Variants in CUEDC1 observed in about 807,000 individuals in gnomAD.
CUEDC1 encodes the protein CUE domain containing 1.
In CUEDC1, 30 loss-of-function variants were observed where a neutral mutation model predicts 43.7. The ratio of observed to expected loss-of-function variants is 0.69; its 90% CI spans 0.51 to 0.93. The LOEUF (loss-of-function observed/expected upper bound fraction) is 0.93. Ranked by LOEUF, CUEDC1 falls within the 40% of genes least tolerant of loss-of-function variation. The pLI is 0.00. For missense variants in CUEDC1, 486 were observed against 549.0 expected, an observed-to-expected ratio of 0.89 and a Z score of 1.15; for synonymous variants, 223 against 223.6, an observed-to-expected ratio of 1.00 and a Z score of 0.02.
chr17:57,872,818 C>G lies in CUEDC1; in HGVS notation c.629G>C (p.Gly210Ala). 1.2e-6 allele frequency: 2 copies of G among 1,614,046 alleles called. No homozygotes were observed. The highest frequency in any genetic ancestry group is 1.7e-6 in the Non-Finnish European group (2 of 1,179,958). ...AGGPKPGSGE[G>A]CPPAMAGPGP... ...TGGCCCAGCCATGGCAGGTGGACAT[C>G]CCTCTCCACTCCCAGGCTTGGGGCC... The change falls in exon 5 of 11, where the codon GGA becomes GCA. Residue 210 changes from glycine (G) to alanine (A), a missense_variant. Coordinates refer to ENST00000577830, the MANE Select transcript of CUEDC1 (RefSeq NM_001271875.2).
intron 1 of CUEDC1, among the ~76,000 whole-genome samples, chr17:57,896,005 G>A (rs554060668): frequency 2.6e-5 from 4 of 152,290 alleles, no homozygotes; most frequent in East Asian, 3.9e-4. Flanking sequence ...CTGGGTCCCC[G>A]GACAGGCAGC....
chr17:57,939,397 T>C (rs563392047), intron 1 of CUEDC1, among the ~76,000 whole-genome samples: 1 of 150,176 alleles, frequency 6.7e-6, no homozygotes, highest in Non-Finnish European at 1.5e-5. Flanking sequence ...CCCAAGTAGC[T>C]GGGACTACAG....
intron 1 of CUEDC1, among the ~76,000 whole-genome samples, chr17:57,896,484 T>TGG (rs370021887): frequency 0.036 from 2,205 of 61,186 alleles, 84 homozygotes; most frequent in East Asian, 0.25. Flanking sequence ...TAGTGCATTA[T>TGG]GGGGTGTGTG....
At chr17:57,920,470 T>C (rs1191966063) in intron 1 of CUEDC1, among the ~76,000 whole-genome samples, 5 of 152,140 alleles carry the variant, frequency 3.3e-5, no homozygotes, top group Non-Finnish European at 7.3e-5. Context: ...GGGATTATAA[T>C]AATCCATCAG....
intron 1 of CUEDC1, among the ~76,000 whole-genome samples, chr17:57,916,349 G>GC (rs1355137468): frequency 1.3e-5 from 2 of 152,206 alleles, no homozygotes; most frequent in Non-Finnish European, 2.9e-5. Context: ...GGCCCTCCAG[G>GC]CCCCCAAAAG....
At chr17:57,876,051 G>A (rs924102514) in intron 3 of CUEDC1, among the ~76,000 whole-genome samples, 5 of 152,192 alleles carry the variant, frequency 3.3e-5, no homozygotes, top group East Asian at 1.9e-4. Flanking sequence ...GCAGGTTCTC[G>A]GCACCCCAGT....
intron 1 of CUEDC1, among the ~76,000 whole-genome samples, chr17:57,913,683 A>G (rs2143071929): frequency 6.6e-6 from 1 of 152,178 alleles, no homozygotes; most frequent in African/African-American, 2.4e-5. Flanking sequence ...CCCCCATCCC[A>G]GGGATTTCTA....
At position 57,897,797 on chromosome 17, in the gene CUEDC1, G is replaced by A. The variant is rs906664052; in HGVS notation, c.-315-11918C>T. Among the ~76,000 whole-genome samples, 7 of 151,766 alleles carry A rather than the reference G, an allele frequency of 4.6e-5. No individual in the cohort carries two copies. The South Asian group carries it at 6.2e-4, about 14-fold the overall frequency. On this transcript the variant is annotated intron_variant, in intron 1 of 10. Coordinates refer to ENST00000577830, the MANE Select transcript of CUEDC1 (RefSeq NM_001271875.2). ...TGGGAGGCTGAGGCGGGTGAATCACGAGGTCAGGAGTTTGAGACCAGCCTG... is the reference window on the plus strand; with the variant it reads ...TGGGAGGCTGAGGCGGGTGAATCACAAGGTCAGGAGTTTGAGACCAGCCTG...
intron 1 of CUEDC1, among the ~76,000 whole-genome samples, chr17:57,913,284 C>T (rs1046477026): frequency 6.6e-5 from 10 of 151,302 alleles, no homozygotes; most frequent in South Asian, 2.1e-4. Context: ...GCCAAGATCA[C>T]GCCATTGCAC....
At chr17:57,931,598 G>A (rs1404430637) in intron 1 of CUEDC1, among the ~76,000 whole-genome samples, 2 of 152,160 alleles carry the variant, frequency 1.3e-5, no homozygotes, top group Non-Finnish European at 2.9e-5. Context: ...CATATGCATG[G>A]ACTCAGGGAA....
chr17:57,932,721 G>A (rs1308287766), intron 1 of CUEDC1, among the ~76,000 whole-genome samples: 4 of 151,718 alleles, frequency 2.6e-5, no homozygotes, highest in Admixed American at 6.6e-5. Flanking sequence ...AATTAGCTGC[G>A]CGTGGTGGCA....
intron 1 of CUEDC1, among the ~76,000 whole-genome samples, chr17:57,918,877 G>A (rs1334659960): frequency 6.6e-6 from 1 of 152,200 alleles, no homozygotes; most frequent in African/African-American, 2.4e-5. Context: ...TTTCTGAGAT[G>A]GAGTCTCACT....
At position 57,861,410 on chromosome 17, in the gene CUEDC1, T is replaced by G. The variant is rs1715728325; in HGVS notation, c.*1879A>C. ...GACGCAGCCGGCAGGTCCGCAAGGT[T>G]GAGGTGCAGCGGTGCCGCAGGTGTC... On this transcript the variant is annotated 3_prime_UTR_variant, in exon 11 of 11. Coordinates refer to ENST00000577830, the MANE Select transcript of CUEDC1 (RefSeq NM_001271875.2). The G allele has an allele frequency of 6.6e-6, 1 of 152,290 alleles. No individual in the cohort carries two copies. Among genetic ancestry groups the G allele is most frequent in the Non-Finnish European group, 1.5e-5 (1 of 68,144 alleles). The allele number at this position is 152,290 out of a possible 1,614,324, so 9.4% of individuals were successfully genotyped here.
intron 1 of CUEDC1, among the ~76,000 whole-genome samples, chr17:57,894,108 C>CTTGAGGATTTGA (rs2074384916): frequency 6.6e-6 from 1 of 152,066 alleles, no homozygotes; most frequent in Non-Finnish European, 1.5e-5. Flanking sequence ...CAAAACAAAA[C>CTTGAGGATTTGA]CAAACCATGA....
chr17:57,872,967 C>T, intron 4 of CUEDC1, 112 bp from the exon 5 acceptor site: 1 of 1,015,906 alleles, frequency 9.8e-7, no homozygotes, highest in Non-Finnish European at 1.4e-6. Context: ...CCAGCCCTCA[C>T]CTGAGGCTCA....
chr17:57,901,453 A>G (rs1474603841), intron 1 of CUEDC1, among the ~76,000 whole-genome samples: 2 of 152,210 alleles, frequency 1.3e-5, no homozygotes, highest in Non-Finnish European at 2.9e-5. Context: ...TGGCTTTTGG[A>G]TCATCCATGC....
Position 57,868,136 on chromosome 17 carries a change from G to A in CUEDC1, c.1034+14C>T. ...CTTCCACCACCCCCACCAGTGCCAG[G>A]CTGGAAAGGATACGACTGATGCTTC... On this transcript the variant is annotated intron_variant, in intron 8 of 10. Transcript: ENST00000577830. The A allele has an allele frequency of 1.9e-6, 3 of 1,609,118 alleles. No homozygotes were observed. The highest frequency in any genetic ancestry group is 2.2e-5 in the South Asian group (2 of 90,998).
chr17:57,944,442 T>C (rs1225275177), intron 1 of CUEDC1, among the ~76,000 whole-genome samples: 1 of 152,170 alleles, frequency 6.6e-6, no homozygotes, highest in Non-Finnish European at 1.5e-5. Flanking sequence ...ACTCCCGACC[T>C]CAGGTGATCT....
At position 57,861,307 on chromosome 17, in the gene CUEDC1, C is replaced by T. The variant is rs1159724665; in HGVS notation, c.*1982G>A. The T allele has an allele frequency of 6.6e-6, 1 of 152,286 alleles. No individual in the cohort carries two copies. The highest frequency in any genetic ancestry group is 1.5e-5 in the Non-Finnish European group (1 of 68,072). The allele number at this position is 152,286 out of a possible 1,614,324, so 9.4% of individuals were successfully genotyped here. A position where few individuals can be genotyped will look rare whatever the true frequency, so the allele number is the denominator to read the frequency against. On this transcript the variant is annotated 3_prime_UTR_variant, in exon 11 of 11. Transcript: ENST00000577830. ...GTCTGGAGCTTTCTCAACAGACTGG[C>T]TTTCCCCATGGTGTTTCCCTTGCCT...
Sources: gnomAD v4.1 joint callset for allele counts (sites outside exome capture counted in the v4.1 genomes callset) on GRCh38, gnomAD v4.1.1 for gene constraint, MANE v1.5 for transcripts, NCBI Gene and HGNC (gene_info 2026-07-23, HGNC 2026-07-21) for gene names.